FARP2: variants seen among roughly 807,000 people sequenced by gnomAD.
The protein encoded by FARP2 is FERM, ARHGEF and pleckstrin domain-containing protein 2.
FARP2 carries 111 observed loss-of-function variants against 130.5 expected under a neutral mutation model. The ratio of observed to expected loss-of-function variants is 0.85; its 90% CI spans 0.73 to 1.00. FARP2 has a LOEUF of 1.00. FARP2 is among the 50% of genes least tolerant of loss of function. FARP2 has a pLI of 0.00. For synonymous variants in FARP2, 504 were observed against 516.9 expected (o/e 0.98, Z 0.34); for missense variants, 1,385 against 1,346.3 (o/e 1.03, Z -0.45).
chr2:241,465,611 A>C, intron 17 of FARP2: 3 of 1,550,748 alleles, frequency 1.9e-6, no homozygotes, highest in Non-Finnish European at 2.6e-6. Context: ...CAGGTCGTGC[A>C]TTGACTGTTC....
At chr2:241,420,605 C>T (rs182655557) in intron 8 of FARP2, among the ~76,000 whole-genome samples, 179 of 152,318 alleles carry the variant, frequency 1.2e-3, no homozygotes, top group African/African-American at 4.2e-3. Flanking sequence ...AACATAAAAA[C>T]ATTTGCAAAT....
In FARP2 at chr2:241,406,147, T is replaced by A. The variant is rs566377594; in HGVS notation, c.331+1306T>A. Among the ~76,000 whole-genome samples, 24 of 150,238 alleles carry A rather than the reference T, an allele frequency of 1.6e-4. No homozygotes were observed. In the East Asian group the frequency reaches 3.4e-3, roughly 21 times the overall value. ...TGAAACTCCGCCTCTACTAAAAATA[T>A]AAATTAGCCGGGTGTAGGGGCATGG... On this transcript the variant is annotated intron_variant, in intron 4 of 26. Coordinates refer to ENST00000264042, the MANE Select transcript of FARP2 (RefSeq NM_014808.4).
At chr2:241,412,452 A>G (rs566858042) in intron 6 of FARP2, among the ~76,000 whole-genome samples, 2 of 152,160 alleles carry the variant, frequency 1.3e-5, no homozygotes, top group Non-Finnish European at 2.9e-5. Flanking sequence ...TCACTCTCAA[A>G]TGGCTCAAAG....
intron 3 of FARP2, 113 bp from the exon 4 acceptor site, chr2:241,404,686 A>G: frequency 1.3e-6 from 1 of 765,868 alleles, no homozygotes; most frequent in South Asian, 1.8e-5. Flanking sequence ...TAGAGTCAAA[A>G]TTTTCCTGAC....
At chr2:241,468,444 GC>G in intron 18 of FARP2, 67 bp downstream of exon 18, 2 of 1,238,752 alleles carry the variant, frequency 1.6e-6, no homozygotes, top group Non-Finnish European at 2.3e-6. Flanking sequence ...GGGCGGCTTT[GC>G]CAGACCTGAA....
At chr2:241,449,104 A>C (rs1031299376) in intron 13 of FARP2, among the ~76,000 whole-genome samples, 12 of 152,254 alleles carry the variant, frequency 7.9e-5, no homozygotes, top group Non-Finnish European at 1.3e-4. Context: ...CGGCTAACTC[A>C]TCAGGTTCAC....
intron 8 of FARP2, among the ~76,000 whole-genome samples, chr2:241,423,045 TATC>T (rs1193290960): frequency 6.6e-6 from 1 of 152,148 alleles, no homozygotes; most frequent in African/African-American, 2.4e-5. Flanking sequence ...TACTTTGGGA[TATC>T]ATCCAGGAGA....
chr2:241,424,628 T>C (rs931252236), intron 8 of FARP2, among the ~76,000 whole-genome samples: 1 of 152,008 alleles, frequency 6.6e-6, no homozygotes, highest in African/African-American at 2.4e-5. Flanking sequence ...ACTGAAGAGA[T>C]AGAGACACAA....
chr2:241,391,373 T>G (rs1048573860), intron 2 of FARP2, among the ~76,000 whole-genome samples: 5 of 152,222 alleles, frequency 3.3e-5, no homozygotes, highest in Admixed American at 6.5e-5. Flanking sequence ...AAGCGGGGCC[T>G]CCTTCACCTT....
chr2:241,476,488 G>A (rs1476020695), intron 19 of FARP2, among the ~76,000 whole-genome samples: 2 of 152,122 alleles, frequency 1.3e-5, no homozygotes, highest in Non-Finnish European at 2.9e-5. Flanking sequence ...GGGAGTTCGA[G>A]ACCAGCCAGA....
At position 241,449,388 on chromosome 2, in the gene FARP2, A is replaced by G. The variant is rs60099627; in HGVS notation, c.1412-7359A>G. Among the ~76,000 whole-genome samples the G allele has an allele frequency of 8.5e-3, 1,291 of 152,324 alleles. 23 individuals are homozygous for G. The highest frequency in any genetic ancestry group is 0.029 in the African/African-American group (1,212 of 41,562). ...GTTTCCTGTACCGCCTCTGAAGTCA[A>G]CCTTCAACTTGACCTTGAATTTTGC... On this transcript the variant is annotated intron_variant, in intron 13 of 26. Coordinates refer to ENST00000264042, the MANE Select transcript of FARP2 (RefSeq NM_014808.4).
chr2:241,440,334 G>A (rs781403765), intron 12 of FARP2, among the ~76,000 whole-genome samples: 15 of 152,188 alleles, frequency 9.9e-5, no homozygotes, highest in East Asian at 5.8e-4. Context: ...GTGATAGCGC[G>A]CGAGGAGTGA....
At chr2:241,385,484 G>T (rs902485463) in intron 2 of FARP2, among the ~76,000 whole-genome samples, 19 of 152,116 alleles carry the variant, frequency 1.2e-4, no homozygotes, top group African/African-American at 4.1e-4. Context: ...CACTTTTGGA[G>T]GCCAAGGCAA....
chr2:241,389,905 G>T (rs2061868415), intron 2 of FARP2, among the ~76,000 whole-genome samples: 1 of 152,172 alleles, frequency 6.6e-6, no homozygotes, highest in Admixed American at 6.5e-5. Context: ...GAAATGTAAA[G>T]TTCATGCCAT....
Position 241,413,433 on chromosome 2 carries a change from C to T in FARP2, c.623+12C>T, listed in dbSNP as rs375962108. On this transcript the variant is annotated intron_variant, in intron 7 of 26. Coordinates refer to ENST00000264042, the MANE Select transcript of FARP2 (RefSeq NM_014808.4). ...CATCAGAAGCACGTGTAAGTCATCACAATTGTCTGTCAACACATTGTCACC... is the reference window on the plus strand; with the variant it reads ...CATCAGAAGCACGTGTAAGTCATCATAATTGTCTGTCAACACATTGTCACC... 4 of 1,541,816 alleles carry T rather than the reference C, an allele frequency of 2.6e-6. No homozygotes were observed. Among genetic ancestry groups the T allele is most frequent in the Non-Finnish European group, 3.6e-6 (4 of 1,118,818 alleles).
At chr2:241,406,144 A>ACAC (rs2062336680) in intron 4 of FARP2, among the ~76,000 whole-genome samples, 1 of 151,320 alleles carries the variant, frequency 6.6e-6, no homozygotes, top group African/African-American at 2.4e-5. Flanking sequence ...TCTACTAAAA[A>ACAC]TATAAATTAG....
chr2:241,487,552 C>CA (rs2064780780), intron 21 of FARP2, among the ~76,000 whole-genome samples: 1 of 110,032 alleles, frequency 9.1e-6, no homozygotes, highest in Non-Finnish European at 2.1e-5. Flanking sequence ...CCTGTAGTCC[C>CA]AACTACTCGG....
chr2:241,376,590 CTTG>C (rs2061541492), intron 2 of FARP2, among the ~76,000 whole-genome samples: 1 of 152,246 alleles, frequency 6.6e-6, no homozygotes, highest in Non-Finnish European at 1.5e-5. Context: ...GCCCCCCTTC[CTTG>C]TTGTCTTTGG....
intron 13 of FARP2, chr2:241,442,070 C>T (rs1231650756): frequency 3.8e-5 from 14 of 370,796 alleles, no homozygotes; most frequent in South Asian, 2.4e-4. Context: ...TCAGACACCT[C>T]GGAGCTATTT....
Sources: allele counts gnomAD v4.1 joint callset (sites outside exome capture counted in the v4.1 genomes callset), GRCh38; gene constraint gnomAD v4.1.1; transcripts MANE v1.5; gene names NCBI Gene and HGNC (gene_info 2026-07-23, HGNC 2026-07-21).